PCDH7: variants seen among roughly 807,000 people sequenced by gnomAD.
PCDH7 encodes the protein protocadherin 7.
Under a neutral mutation model 58.9 loss-of-function variants are expected in PCDH7, and 17 were observed. The observed-to-expected ratio is 0.29, with a 90% confidence interval of 0.20 to 0.43. The LOEUF is 0.43. Among genes scored for constraint, PCDH7 ranks in the 20% least tolerant of loss-of-function variants. The pLI is 1.00. For missense variants in PCDH7, 1,274 were observed against 1,441.0 expected (o/e 0.88, Z 1.88); for synonymous variants, 664 against 616.4 (o/e 1.08, Z -1.14).
At chr4:30,765,319 G>T (rs139922469) in intron 1 of PCDH7, among the ~76,000 whole-genome samples, 201 of 151,984 alleles carry the variant, frequency 1.3e-3, no homozygotes, top group African/African-American at 4.6e-3. Context: ...GACATCAATG[G>T]CATCTGGTGA....
intron 1 of PCDH7, among the ~76,000 whole-genome samples, chr4:30,811,373 C>T (rs4235010): frequency 2.6e-5 from 4 of 151,994 alleles, no homozygotes; most frequent in South Asian, 2.1e-4. Flanking sequence ...AGTTTAGGGA[C>T]GCCAAACATA....
At chr4:31,078,638 C>CCTTTT (rs1578735926) in intron 3 of PCDH7, among the ~76,000 whole-genome samples, 2 of 78,852 alleles carry the variant, frequency 2.5e-5, no homozygotes, top group African/African-American at 5.6e-5. Flanking sequence ...AACCATGCCC[C>CCTTTT]ATTTTTTTTT....
intron 1 of PCDH7, among the ~76,000 whole-genome samples, chr4:30,814,234 T>C (rs1248824786): frequency 6.6e-6 from 1 of 152,014 alleles, no homozygotes. Flanking sequence ...TATGTGTATA[T>C]ACAAATATAA....
At chr4:31,100,970 AT>A (rs1353148450) in intron 3 of PCDH7, among the ~76,000 whole-genome samples, 4 of 152,086 alleles carry the variant, frequency 2.6e-5, no homozygotes, top group Admixed American at 2.6e-4. Flanking sequence ...ATTTTACCCT[AT>A]TTGCTGTGTT....
In PCDH7 at chr4:30,980,175, T is replaced by C. The variant is rs567842590; in HGVS notation, c.*7+29960T>C. Among the ~76,000 whole-genome samples, 3 of 152,336 alleles carry C rather than the reference T, an allele frequency of 2.0e-5. No individual in the cohort carries two copies. In the East Asian group the frequency reaches 5.8e-4, roughly 29 times the overall value. On this transcript the variant is annotated intron_variant, in intron 3 of 3. Transcript: ENST00000509759. ...GAGTGCCTATATTCACTTCACGTAT[T>C]ACAAATCTCATCATAAAACAATTAG...
chr4:31,139,499 AT>A (rs1192641798), intron 3 of PCDH7, among the ~76,000 whole-genome samples: 2 of 152,228 alleles, frequency 1.3e-5, no homozygotes, highest in Non-Finnish European at 2.9e-5. Context: ...CCACAAAAAA[AT>A]AGGACAGTTT....
chr4:30,781,333 A>T (rs1365744057), intron 1 of PCDH7, among the ~76,000 whole-genome samples: 1 of 151,212 alleles, frequency 6.6e-6, no homozygotes, highest in Non-Finnish European at 1.5e-5. Context: ...GCACAGACAG[A>T]ATTTCACCGT....
At chr4:31,046,898 C>A (rs1279660993) in intron 3 of PCDH7, among the ~76,000 whole-genome samples, 4 of 151,728 alleles carry the variant, frequency 2.6e-5, no homozygotes, top group African/African-American at 9.7e-5. Context: ...ATTATAAATC[C>A]AACATAAGCA....
At chr4:30,857,671 T>C (rs1015759708) in intron 1 of PCDH7, among the ~76,000 whole-genome samples, 3 of 152,130 alleles carry the variant, frequency 2.0e-5, no homozygotes, top group Admixed American at 6.6e-5. Context: ...AGGTCTATTA[T>C]GAGTATCCTG....
intron 3 of PCDH7, among the ~76,000 whole-genome samples, chr4:31,021,963 T>C (rs1754057251): frequency 6.6e-6 from 1 of 152,182 alleles, no homozygotes; most frequent in South Asian, 2.1e-4. Flanking sequence ...AATTATAAGG[T>C]GAATGTACCT....
intron 1 of PCDH7, among the ~76,000 whole-genome samples, chr4:30,866,757 T>C (rs746927983): frequency 3.3e-5 from 5 of 152,082 alleles, no homozygotes; most frequent in Non-Finnish European, 5.9e-5. Context: ...CTGCAATCCT[T>C]ACATGGTAAA....
chr4:31,080,683 A>G (rs1015262573), intron 3 of PCDH7, among the ~76,000 whole-genome samples: 2 of 152,194 alleles, frequency 1.3e-5, no homozygotes, highest in Non-Finnish European at 2.9e-5. Context: ...TTGAAGCCAG[A>G]GAAAGCTATA....
intron 1 of PCDH7, among the ~76,000 whole-genome samples, chr4:30,772,943 C>G (rs1560354167): frequency 6.6e-6 from 1 of 151,858 alleles, no homozygotes; most frequent in Non-Finnish European, 1.5e-5. Flanking sequence ...ATTCTGTCAC[C>G]CAGGCTGCAG....
At chr4:30,727,520 A>G (rs1158274923) in intron 1 of PCDH7, among the ~76,000 whole-genome samples, 1 of 151,878 alleles carries the variant, frequency 6.6e-6, no homozygotes, top group Non-Finnish European at 1.5e-5. Flanking sequence ...TGTAGCCCAA[A>G]TTTTCATAGT....
intron 1 of PCDH7, among the ~76,000 whole-genome samples, chr4:30,843,891 T>A (rs1445252616): frequency 6.6e-6 from 1 of 152,004 alleles, no homozygotes; most frequent in Non-Finnish European, 1.5e-5. Context: ...TCCACAGTGA[T>A]GATTTCTCTG....
intron 3 of PCDH7, among the ~76,000 whole-genome samples, chr4:31,040,538 A>C (rs1755773685): frequency 6.6e-6 from 1 of 152,224 alleles, no homozygotes; most frequent in Admixed American, 6.6e-5. Flanking sequence ...AGTTGAAATA[A>C]ACGAGAATTG....
At chr4:30,808,032 G>C (rs1726471058) in intron 1 of PCDH7, among the ~76,000 whole-genome samples, 2 of 152,202 alleles carry the variant, frequency 1.3e-5, no homozygotes, top group Admixed American at 6.5e-5. Context: ...GGAGGCAGGG[G>C]AGGGCTTGTA....
chr4:30,806,299 A>G (rs1726191078), intron 1 of PCDH7, among the ~76,000 whole-genome samples: 1 of 151,698 alleles, frequency 6.6e-6, no homozygotes, highest in South Asian at 2.1e-4. Flanking sequence ...TCACTCAAAC[A>G]TGCCTAAAGA....
chr4:31,008,730 C>T (rs1752965193), intron 3 of PCDH7, among the ~76,000 whole-genome samples: 1 of 152,038 alleles, frequency 6.6e-6, no homozygotes, highest in East Asian at 1.9e-4. Context: ...AGATTGCCTG[C>T]CATGTTTTTT....
Sources: gnomAD v4.1 joint callset for allele counts (sites outside exome capture counted in the v4.1 genomes callset) on GRCh38, gnomAD v4.1.1 for gene constraint, MANE v1.5 for transcripts, NCBI Gene and HGNC (gene_info 2026-07-23, HGNC 2026-07-21) for gene names.